The following HECW1 variants were observed in gnomAD, a reference collection of about 807,000 sequenced individuals.
The protein encoded by HECW1 is HECT, C2 and WW domain containing E3 ubiquitin protein ligase 1.
In HECW1, 61 loss-of-function variants were observed where a neutral mutation model predicts 182.3. That is an observed-to-expected ratio of 0.33 (90% confidence interval 0.27 to 0.41). HECW1 has a LOEUF of 0.41. HECW1 is among the 10% of genes least tolerant of loss of function. HECW1 has a pLI of 1.00. For missense variants in HECW1, 1,739 were observed against 2,108.9 expected (o/e 0.82, Z 3.44); for synonymous variants, 859 against 832.6 (o/e 1.03, Z -0.55).
chr7:43,126,550 A>G (rs1419992215), intron 2 of HECW1, among the ~76,000 whole-genome samples: 2 of 152,188 alleles, frequency 1.3e-5, no homozygotes, highest in African/African-American at 2.4e-5. Context: ...TTAAGAAAAA[A>G]TTGACCTAAC....
intron 11 of HECW1, among the ~76,000 whole-genome samples, chr7:43,446,638 A>G (rs746265526): frequency 6.6e-6 from 1 of 152,076 alleles, no homozygotes; most frequent in Non-Finnish European, 1.5e-5. Flanking sequence ...TTTTTTTAAC[A>G]GGAGCTAAAG....
At chr7:43,378,240 C>G (rs2074403725) in intron 6 of HECW1, among the ~76,000 whole-genome samples, 1 of 152,172 alleles carries the variant, frequency 6.6e-6, no homozygotes, top group South Asian at 2.1e-4. Flanking sequence ...TTCTAAGTCT[C>G]TTTAGTTTGC....
At chr7:43,162,850 A>G (rs978359810) in intron 2 of HECW1, 1 of 152,234 alleles carries the variant, frequency 6.6e-6, no homozygotes, top group Admixed American at 6.5e-5. Context: ...TGTTCTAACT[A>G]CCTTTACAAG....
At chr7:43,406,131 C>T (rs549500469) in intron 7 of HECW1, among the ~76,000 whole-genome samples, 2 of 152,334 alleles carry the variant, frequency 1.3e-5, no homozygotes, top group Non-Finnish European at 2.9e-5. Context: ...CTTTCATTGT[C>T]TTGCACAGAG....
chr7:43,133,177 T>C (rs994056705), intron 2 of HECW1, among the ~76,000 whole-genome samples: 24 of 152,000 alleles, frequency 1.6e-4, no homozygotes, highest in Non-Finnish European at 3.4e-4. Flanking sequence ...ACTATTATTT[T>C]TTCAATTCTG....
At chr7:43,518,714 G>A (rs2080287379) in intron 24 of HECW1, among the ~76,000 whole-genome samples, 1 of 151,930 alleles carries the variant, frequency 6.6e-6, no homozygotes, top group African/African-American at 2.4e-5. Context: ...ATATGAAAAA[G>A]TTGGTCAGAG....
intron 2 of HECW1, among the ~76,000 whole-genome samples, chr7:43,150,606 T>C (rs1202408917): frequency 6.6e-6 from 1 of 152,228 alleles, no homozygotes; most frequent in East Asian, 1.9e-4. Context: ...TTTGAACTCC[T>C]GACCTCAAGT....
chr7:43,548,389 C>G (rs2081655752), intron 26 of HECW1, among the ~76,000 whole-genome samples: 1 of 152,000 alleles, frequency 6.6e-6, no homozygotes, highest in African/African-American at 2.4e-5. Flanking sequence ...CCATGCAGTC[C>G]AAACCCACGC....
chr7:43,317,500 C>A (rs1321849171), intron 4 of HECW1, among the ~76,000 whole-genome samples: 1 of 152,244 alleles, frequency 6.6e-6, no homozygotes, highest in East Asian at 1.9e-4. Context: ...GAATTCCCTG[C>A]ATTAAATCCC....
At chr7:43,159,678 CTTTTTTTTT>C (rs36117153) in intron 2 of HECW1, among the ~76,000 whole-genome samples, 1 of 123,754 alleles carries the variant, frequency 8.1e-6, no homozygotes, top group African/African-American at 3.0e-5. Context: ...TTCCTTGTAT[CTTTTTTTTT>C]TTTTTTTTTT....
intron 2 of HECW1, among the ~76,000 whole-genome samples, chr7:43,117,515 A>C (rs895464570): frequency 7.8e-6 from 1 of 127,900 alleles, no homozygotes; most frequent in Non-Finnish European, 1.7e-5. Flanking sequence ...ATTCATTACC[A>C]TTGCTTTTCC....
At chr7:43,242,583 G>C (rs905714364) in intron 2 of HECW1, among the ~76,000 whole-genome samples, 1 of 152,168 alleles carries the variant, frequency 6.6e-6, no homozygotes, top group Non-Finnish European at 1.5e-5. Context: ...CAGTGGATGG[G>C]GACTGGGTCT....
chr7:43,492,049 T>G (rs750964433), intron 17 of HECW1, 26 bp from the exon 18 acceptor site: 4 of 1,520,256 alleles, frequency 2.6e-6, no homozygotes, highest in Non-Finnish European at 3.6e-6. Context: ...AAATTTCTAA[T>G]GCTTATGCTT....
intron 6 of HECW1, among the ~76,000 whole-genome samples, chr7:43,387,222 C>T (rs937269618): frequency 6.6e-6 from 1 of 152,122 alleles, no homozygotes; most frequent in Non-Finnish European, 1.5e-5. Context: ...CCAGCCAGCC[C>T]CTTCCCTTGG....
chr7:43,133,866 A>T (rs1787225904), intron 2 of HECW1, among the ~76,000 whole-genome samples: 1 of 151,774 alleles, frequency 6.6e-6, no homozygotes, highest in African/African-American at 2.4e-5. Context: ...TTGGATGAAA[A>T]CTTTATTTGT....
chr7:43,375,347 C>T (rs1217198766), intron 6 of HECW1, among the ~76,000 whole-genome samples: 1 of 151,906 alleles, frequency 6.6e-6, no homozygotes, highest in African/African-American at 2.4e-5. Context: ...TGTGACTATG[C>T]CAAATACAGA....
intron 3 of HECW1, among the ~76,000 whole-genome samples, chr7:43,256,478 A>G (rs1490425972): frequency 2.0e-5 from 3 of 152,064 alleles, no homozygotes; most frequent in African/African-American, 4.8e-5. Flanking sequence ...CCGTGGTGGC[A>G]GGCGCCTGTA....
intron 5 of HECW1, among the ~76,000 whole-genome samples, chr7:43,337,106 G>T (rs1259936522): frequency 6.6e-6 from 1 of 151,934 alleles, no homozygotes; most frequent in Non-Finnish European, 1.5e-5. Flanking sequence ...TTAGTTATTT[G>T]GAATATCTCC....
At chr7:43,173,588 AC>A (rs1459524437) in intron 2 of HECW1, among the ~76,000 whole-genome samples, 1 of 152,108 alleles carries the variant, frequency 6.6e-6, no homozygotes, top group Non-Finnish European at 1.5e-5. Flanking sequence ...GGAGCATGCA[AC>A]CTAGATCCCT....
Sources: gnomAD v4.1 joint callset for allele counts (sites outside exome capture counted in the v4.1 genomes callset) on GRCh38, gnomAD v4.1.1 for gene constraint, MANE v1.5 for transcripts, NCBI Gene and HGNC (gene_info 2026-07-23, HGNC 2026-07-21) for gene names.